The following BEST3 variants were observed in gnomAD, a reference collection of about 807,000 sequenced individuals.
BEST3 encodes the protein bestrophin-3.
In BEST3, 50 loss-of-function variants were observed where a neutral mutation model predicts 47.1. That is an observed-to-expected ratio of 1.06 (90% CI 0.85 to 1.34). BEST3 has a LOEUF of 1.34. Among genes scored for constraint, BEST3 ranks in the 40% most tolerant of loss-of-function variants. The pLI is 0.00. For missense variants in BEST3, 765 were observed against 817.0 expected (o/e 0.94, Z 0.78); for synonymous variants, 282 against 298.8 (o/e 0.94, Z 0.58).
intron 9 of BEST3, among the ~76,000 whole-genome samples, chr12:69,667,749 T>C (rs1884317213): frequency 6.6e-6 from 1 of 152,202 alleles, no homozygotes; most frequent in Non-Finnish European, 1.5e-5. Flanking sequence ...AATGTCACTT[T>C]TCTCCACCTT....
At chr12:69,672,864 A>G (rs544668008) in intron 8 of BEST3, 21 bp downstream of exon 8, 21 of 1,554,398 alleles carry the variant, frequency 1.4e-5, no homozygotes, top group African/African-American at 4.1e-5. Flanking sequence ...CATTTGAAAA[A>G]GAAAGAAAAA....
intron 4 of BEST3, among the ~76,000 whole-genome samples, chr12:69,692,193 C>A (rs953866715): frequency 6.6e-6 from 1 of 152,148 alleles, no homozygotes; most frequent in Non-Finnish European, 1.5e-5. Context: ...ACAACAACAA[C>A]AAAAGAAGCC....
intron 9 of BEST3, among the ~76,000 whole-genome samples, chr12:69,646,787 T>G (rs1016196154): frequency 1.3e-5 from 2 of 152,224 alleles, no homozygotes; most frequent in Non-Finnish European, 2.9e-5. Context: ...CCATTTTTAT[T>G]TGGAAAAAAT....
intron 9 of BEST3, among the ~76,000 whole-genome samples, chr12:69,669,137 C>T (rs972358229): frequency 4.6e-5 from 7 of 152,226 alleles, no homozygotes; most frequent in African/African-American, 1.7e-4. Flanking sequence ...CATAGGCAAC[C>T]AGAAACACTT....
At chr12:69,662,935 C>CT (rs1334408818) in intron 9 of BEST3, among the ~76,000 whole-genome samples, 1 of 152,214 alleles carries the variant, frequency 6.6e-6, no homozygotes, top group Non-Finnish European at 1.5e-5. Flanking sequence ...TTGAGTGATC[C>CT]ATTTCATAAG....
intron 9 of BEST3, among the ~76,000 whole-genome samples, chr12:69,645,775 A>G (rs900235016): frequency 7.1e-6 from 1 of 139,992 alleles, no homozygotes; most frequent in African/African-American, 2.8e-5. Context: ...AACACCAGGC[A>G]CATCCTAAGT....
At chr12:69,645,956 A>T (rs1212652305) in intron 9 of BEST3, among the ~76,000 whole-genome samples, 3 of 152,114 alleles carry the variant, frequency 2.0e-5, no homozygotes, top group Non-Finnish European at 4.4e-5. Flanking sequence ...TATTTATTTG[A>T]GATGGAGTCT....
rs1786800697 is a variant in BEST3 at position 69,693,831 on chromosome 12, G to A, written c.324C>T (p.Phe108=). 6.2e-7 allele frequency: 1 copy of A among 1,613,882 alleles called. No individual in the cohort carries two copies. Among genetic ancestry groups the A allele is most frequent in the African/African-American group, 1.3e-5 (1 of 74,996 alleles). ...TTCCGTGAACACTGCTAGAGATGAG[G>A]AACATTAGCCTGTCTGGCCAGGGCA... is the stretch of plus-strand genomic sequence containing the variant. ...VNLPWPDRLM[F]LISSSVHGSD... The change falls in exon 4 of 10, where the codon TTC becomes TTT. Residue 108 remains phenylalanine, a synonymous_variant. Coordinates refer to ENST00000330891, the MANE Select transcript of BEST3 (RefSeq NM_032735.3).
chr12:69,673,696 G>T (rs1206558516), intron 7 of BEST3, among the ~76,000 whole-genome samples: 1 of 151,898 alleles, frequency 6.6e-6, no homozygotes, highest in Admixed American at 6.6e-5. Flanking sequence ...TGCCCTTCTC[G>T]ACCTCCCAAA....
downstream of BEST3, among the ~76,000 whole-genome samples, chr12:69,651,775 C>CAA (rs1475932098): frequency 2.2e-4 from 12 of 53,346 alleles, no homozygotes; most frequent in African/African-American, 2.8e-4. Flanking sequence ...GACTCTGTCT[C>CAA]AAAAAAAAAA....
downstream of BEST3, among the ~76,000 whole-genome samples, chr12:69,648,630 G>A (rs550151343): frequency 2.6e-5 from 4 of 152,150 alleles, no homozygotes; most frequent in Non-Finnish European, 4.4e-5. Context: ...AGAACTTCCC[G>A]GACACTCAGC....
chr12:69,694,381 G>T lies in BEST3; in HGVS notation c.236C>A (p.Thr79Asn). The change falls in exon 3 of 10, where the codon ACC (threonine) becomes AAC (asparagine). Residue 79 changes from threonine to asparagine, a missense_variant. Transcript: ENST00000330891. Reference protein sequence around the residue: ...CDRYAEQIPVTFVLGFYVTLV... With the variant: ...CDRYAEQIPVNFVLGFYVTLV... The stretch of plus-strand genomic sequence containing the variant: ...TGACCTATACTTACCAAGCACAAAG[G>T]TTACTGGAATTTGTTCAGCATATCT... The T allele has an allele frequency of 1.2e-6, 2 of 1,603,158 alleles. No homozygotes were observed. The highest frequency in any genetic ancestry group is 1.7e-6 in the Non-Finnish European group (2 of 1,173,974).
rs535716917 is a variant in BEST3 at position 69,673,081 on chromosome 12, A to C, written c.868-116T>G. 196 of 701,578 alleles carry C rather than the reference A, an allele frequency of 2.8e-4. 1 individual carries two copies. The highest frequency in any genetic ancestry group is 1.5e-3 in the South Asian group (80 of 53,060). The allele number at this position is 701,578 out of a possible 1,614,324, so 43.5% of individuals were successfully genotyped here. A position where few individuals can be genotyped will look rare whatever the true frequency, so the allele number is the denominator to read the frequency against. ...CCTTGTGTGACTTTCTAATACGAAGAGTAGAGGGGAGTAGATTGTTCTACC... is the reference window on the plus strand; with the variant it reads ...CCTTGTGTGACTTTCTAATACGAAGCGTAGAGGGGAGTAGATTGTTCTACC... On this transcript the variant is annotated intron_variant, in intron 7 of 9. Coordinates refer to ENST00000330891, the MANE Select transcript of BEST3 (RefSeq NM_032735.3).
chr12:69,686,771 C>CAAAAAAACAAAAAAAAAAAAAAAAAA (rs376779536), intron 4 of BEST3, among the ~76,000 whole-genome samples: 2 of 49,754 alleles, frequency 4.0e-5, no homozygotes, highest in Non-Finnish European at 6.8e-5. Context: ...GATTCTGCCT[C>CAAAAAAACAAAAAAAAAAAAAAAAAA]AAAAAAACAA....
At chr12:69,650,414 G>A (rs1327665916), downstream of BEST3, among the ~76,000 whole-genome samples, 1 of 152,164 alleles carries the variant, frequency 6.6e-6, no homozygotes, top group Non-Finnish European at 1.5e-5. Flanking sequence ...AAGTATTGAG[G>A]ACCTATCTGA....
At chr12:69,669,819 G>A (rs1884449260) in intron 9 of BEST3, 1 of 152,194 alleles carries the variant, frequency 6.6e-6, no homozygotes, top group Non-Finnish European at 1.5e-5. Flanking sequence ...GAACATTTAT[G>A]TAGTAATCTG....
rs769262693 is a variant in BEST3, at chr12:69,654,858, G to A, written c.*49C>T. On this transcript the variant is annotated 3_prime_UTR_variant, in exon 10 of 10. Transcript: ENST00000330891. ...GTCCTGGGCCTAATATGCTGCTTTT[G>A]GGGAGGTAAGAATCTAGGCTAGAAC... 1.3e-6 allele frequency: 2 copies of A among 1,560,664 alleles called. No homozygotes were observed. Among genetic ancestry groups the A allele is most frequent in the African/African-American group, 2.7e-5 (2 of 72,946 alleles).
intron 9 of BEST3, among the ~76,000 whole-genome samples, chr12:69,647,900 A>C (rs2135894756): frequency 6.6e-6 from 1 of 152,368 alleles, no homozygotes; most frequent in Admixed American, 6.5e-5. Flanking sequence ...CCTGAAAATC[A>C]ACAAGAAAAG....
Position 69,694,370 on chromosome 12 carries a change from C to T in BEST3, c.247G>A (p.Gly83Arg). ...CAATCTGCGTGTGACCTATACTTACCAAGCACAAAGGTTACTGGAATTTGT... is the reference window on the plus strand; with the variant it reads ...CAATCTGCGTGTGACCTATACTTACTAAGCACAAAGGTTACTGGAATTTGT... ...AEQIPVTFVL[G>R]FYVTLVVNRW... Residue 83 changes from glycine (G) to arginine (R), a missense_variant and splice_region_variant, in exon 3 of 10, where the codon GGG (glycine) becomes AGG (arginine). Physicochemically the swap from Gly to Arg is moderately radical, Grantham distance 125. Transcript: ENST00000330891. 1 of 1,595,078 alleles carries T rather than the reference C, an allele frequency of 6.3e-7. No homozygotes were observed. The highest frequency in any genetic ancestry group is 8.6e-7 in the Non-Finnish European group (1 of 1,167,578).
Sources: gnomAD v4.1 joint callset for allele counts (sites outside exome capture counted in the v4.1 genomes callset) on GRCh38, gnomAD v4.1.1 for gene constraint, MANE v1.5 for transcripts, NCBI Gene and HGNC (gene_info 2026-07-23, HGNC 2026-07-21) for gene names.